The following RAD51B variants were observed in gnomAD, a reference collection of about 807,000 sequenced individuals.
The protein encoded by RAD51B is DNA repair protein RAD51 homolog 2.
In RAD51B, 38 loss-of-function variants were observed where a neutral mutation model predicts 42.2. That is an observed-to-expected ratio of 0.90 (90% CI 0.70 to 1.18). The LOEUF (loss-of-function observed/expected upper bound fraction) is 1.18, where lower values mean the gene tolerates loss of function less well. Ranked by LOEUF, RAD51B falls within the 50% of genes most tolerant of loss-of-function variation. The pLI is 0.00. For missense variants in RAD51B, 373 were observed against 400.7 expected (o/e 0.93, Z 0.59); for synonymous variants, 154 against 145.2 (o/e 1.06, Z -0.43).
Position 68,055,354 on chromosome 14 carries a change from C to T in RAD51B, c.756+168150C>T, listed in dbSNP as rs112646961. On this transcript the variant is annotated intron_variant, in intron 7 of 10. Coordinates refer to ENST00000471583, the MANE Select transcript of RAD51B (RefSeq NM_133510.4). ...TGCCTTTAGTGATAGAGAATTTTTC[C>T]CTTAATGTAGGTAGTAAATGTTATA... 3.9e-3 allele frequency among the ~76,000 whole-genome samples: 587 copies of T among 152,046 alleles called. 6 individuals carry two copies. Among genetic ancestry groups the T allele is most frequent in the African/African-American group, 0.013 (554 of 41,470 alleles).
intron 10 of RAD51B, among the ~76,000 whole-genome samples, chr14:68,555,139 C>T (rs1888771489): frequency 6.6e-6 from 1 of 152,054 alleles, no homozygotes; most frequent in Non-Finnish European, 1.5e-5. Flanking sequence ...AGCTACCGTG[C>T]CCGGCCAAAA....
intron 7 of RAD51B, among the ~76,000 whole-genome samples, chr14:68,228,391 C>T (rs183692890): frequency 6.6e-6 from 1 of 152,190 alleles, no homozygotes; most frequent in South Asian, 2.1e-4. Flanking sequence ...AAGATTTTCT[C>T]TTGCTGGCAA....
chr14:68,231,219 C>A (rs1040952976), intron 7 of RAD51B, among the ~76,000 whole-genome samples: 1 of 152,090 alleles, frequency 6.6e-6, no homozygotes, highest in African/African-American at 2.4e-5. Flanking sequence ...TTCCTTCATG[C>A]TTTCTTTCTC....
At chr14:68,439,695 A>G (rs2085239191) in intron 9 of RAD51B, among the ~76,000 whole-genome samples, 1 of 152,242 alleles carries the variant, frequency 6.6e-6, no homozygotes, top group African/African-American at 2.4e-5. Flanking sequence ...GGCATGAGAA[A>G]AGGAGCTCTT....
intron 7 of RAD51B, among the ~76,000 whole-genome samples, chr14:68,170,605 C>T (rs2078853107): frequency 1.3e-5 from 2 of 152,124 alleles, no homozygotes; most frequent in Non-Finnish European, 2.9e-5. Flanking sequence ...ATTTTATACA[C>T]ATTTAAAATT....
At chr14:67,861,879 T>C (rs1030157499) in intron 4 of RAD51B, among the ~76,000 whole-genome samples, 6 of 152,156 alleles carry the variant, frequency 3.9e-5, no homozygotes, top group African/African-American at 1.4e-4. Context: ...GTCAAAGATA[T>C]GTGTGTCTTA....
intron 8 of RAD51B, among the ~76,000 whole-genome samples, chr14:68,368,290 C>A (rs1415797828): frequency 6.6e-6 from 1 of 152,178 alleles, no homozygotes; most frequent in African/African-American, 2.4e-5. Context: ...CAAGTTAATT[C>A]CTCAGAATCC....
downstream of RAD51B, among the ~76,000 whole-genome samples, chr14:68,479,174 G>A (rs1032219269): frequency 1.3e-5 from 2 of 152,138 alleles, no homozygotes; most frequent in Non-Finnish European, 1.5e-5. Context: ...GAGAACTTGG[G>A]ATGTTCAATA....
At chr14:68,264,697 A>G (rs2080955084) in intron 7 of RAD51B, among the ~76,000 whole-genome samples, 1 of 152,226 alleles carries the variant, frequency 6.6e-6, no homozygotes, top group Non-Finnish European at 1.5e-5. Context: ...GATTATTTTA[A>G]TCGGAGAAGA....
At chr14:68,382,409 G>A (rs2083498208) in intron 8 of RAD51B, among the ~76,000 whole-genome samples, 1 of 152,308 alleles carries the variant, frequency 6.6e-6, no homozygotes, top group Admixed American at 6.5e-5. Flanking sequence ...AGCGCCATAA[G>A]ATATTTTGTG....
chr14:68,039,516 A>G (rs1025010238), intron 7 of RAD51B, among the ~76,000 whole-genome samples: 11 of 152,110 alleles, frequency 7.2e-5, no homozygotes, highest in Non-Finnish European at 1.3e-4. Flanking sequence ...TTCTTTCAGG[A>G]CAGTATTTGA....
intron 10 of RAD51B, chr14:68,541,503 T>A (rs191635175): frequency 1.0e-6 from 1 of 985,448 alleles, no homozygotes; most frequent in East Asian, 1.1e-4. Context: ...CCCTCGTGAT[T>A]GAAGACCACT....
At chr14:67,997,189 T>C (rs1828555636) in intron 7 of RAD51B, among the ~76,000 whole-genome samples, 1 of 152,042 alleles carries the variant, frequency 6.6e-6, no homozygotes, top group African/African-American at 2.4e-5. Context: ...TGTATGAAAA[T>C]ACATAGTATT....
At chr14:68,334,884 ATATT>A (rs535710722) in intron 8 of RAD51B, among the ~76,000 whole-genome samples, 1,350 of 121,346 alleles carry the variant, frequency 0.011, 23 homozygotes, top group African/African-American at 0.037. Flanking sequence ...GGATAGATAT[ATATT>A]TTATGATATA....
chr14:68,154,384 C>G (rs1275214174), intron 7 of RAD51B, among the ~76,000 whole-genome samples: 1 of 152,168 alleles, frequency 6.6e-6, no homozygotes, highest in African/African-American at 2.4e-5. Flanking sequence ...CATTCTTATT[C>G]GTAAAAATAG....
At chr14:68,422,191 G>T in intron 9 of RAD51B, 1 of 1,112,644 alleles carries the variant, frequency 9.0e-7, no homozygotes, top group South Asian at 1.2e-5. Context: ...TGGTGGGGTT[G>T]ACCATGGCTA....
intron 7 of RAD51B, among the ~76,000 whole-genome samples, chr14:68,141,071 A>T (rs1354791889): frequency 6.6e-6 from 1 of 152,256 alleles, no homozygotes; most frequent in Non-Finnish European, 1.5e-5. Flanking sequence ...CAAGTTGAGC[A>T]TAGGGTCACC....
chr14:68,217,631 C>T (rs1230328429), intron 7 of RAD51B, among the ~76,000 whole-genome samples: 1 of 152,154 alleles, frequency 6.6e-6, no homozygotes, highest in Admixed American at 6.5e-5. Flanking sequence ...TGTACAGTCC[C>T]TGTCCCAGAG....
chr14:68,627,095 G>C (rs752986868), intron 10 of RAD51B: 3 of 152,192 alleles, frequency 2.0e-5, no homozygotes, highest in African/African-American at 7.2e-5. Context: ...ATGCGGAAGA[G>C]AGTGGAAAAA....
Sources: gnomAD v4.1 joint callset for allele counts (sites outside exome capture counted in the v4.1 genomes callset) on GRCh38, gnomAD v4.1.1 for gene constraint, MANE v1.5 for transcripts, NCBI Gene and HGNC (gene_info 2026-07-23, HGNC 2026-07-21) for gene names.